Variants in ARL15 observed in about 807,000 individuals in gnomAD.
The protein encoded by ARL15 is ARF like GTPase 15, also known as ADP-ribosylation factor-like protein 15.
A neutral mutation model predicts 25.2 loss-of-function variants in ARL15; 19 were observed. That is an observed-to-expected ratio of 0.75 (90% CI 0.53 to 1.10). The LOEUF (loss-of-function observed/expected upper bound fraction) is 1.10, where lower values mean the gene tolerates loss of function less well. Ranked by LOEUF, ARL15 falls within the 50% of genes least tolerant of loss-of-function variation. ARL15 has a pLI of 0.00. For missense variants in ARL15, 220 were observed against 246.0 expected (o/e 0.89, Z 0.71); for synonymous variants, 94 against 86.8 (o/e 1.08, Z -0.46).
chr5:54,205,209 G>C (rs1364852316), intron 1 of ARL15, among the ~76,000 whole-genome samples: 2 of 152,036 alleles, frequency 1.3e-5, no homozygotes, highest in African/African-American at 2.4e-5. Context: ...AGCACTTTGG[G>C]AGGATTATTG....
rs369126950 is a variant in ARL15 at position 54,251,179 on chromosome 5, G to A, written c.48+59253C>T. Among the ~76,000 whole-genome samples, 4 of 152,124 alleles carry A rather than the reference G, an allele frequency of 2.6e-5. No individual in the cohort carries two copies. In the South Asian group the frequency reaches 8.3e-4, roughly 32 times the overall value. On this transcript the variant is annotated intron_variant, in intron 1 of 4. Coordinates refer to ENST00000504924, the MANE Select transcript of ARL15 (RefSeq NM_019087.3). ...AGAAGGAAGAAGATAAGTAAACAAT[G>A]ATGTAAAGCTTTAATTACTGGCTCA...
At chr5:53,977,598 A>G (rs1747982567) in intron 4 of ARL15, among the ~76,000 whole-genome samples, 1 of 152,260 alleles carries the variant, frequency 6.6e-6, no homozygotes, top group African/African-American at 2.4e-5. Flanking sequence ...AGTCCATGCA[A>G]TTTTGCCAGA....
chr5:54,172,469 A>C (rs546095993), intron 1 of ARL15, among the ~76,000 whole-genome samples: 1 of 152,312 alleles, frequency 6.6e-6, no homozygotes, highest in African/African-American at 2.4e-5. Context: ...GTGAACACTG[A>C]ATATAGACTG....
intron 1 of ARL15, among the ~76,000 whole-genome samples, chr5:54,242,885 T>C (rs1426587790): frequency 2.6e-5 from 4 of 151,940 alleles, no homozygotes; most frequent in Non-Finnish European, 5.9e-5. Flanking sequence ...AATTGCAAAA[T>C]GCACAAAGGA....
chr5:54,129,494 GA>G (rs1208633474), intron 3 of ARL15, among the ~76,000 whole-genome samples: 1 of 151,980 alleles, frequency 6.6e-6, no homozygotes, highest in African/African-American at 2.4e-5. Flanking sequence ...ACTAAATCAA[GA>G]AATTAAAAAA....
intron 4 of ARL15, among the ~76,000 whole-genome samples, chr5:53,968,809 C>T (rs1415656815): frequency 1.3e-5 from 2 of 151,730 alleles, no homozygotes; most frequent in Non-Finnish European, 2.9e-5. Flanking sequence ...GCTCCCGGCC[C>T]GATATAGGGC....
At chr5:54,267,718 C>T (rs980498058) in intron 1 of ARL15, among the ~76,000 whole-genome samples, 1 of 151,984 alleles carries the variant, frequency 6.6e-6, no homozygotes, top group Non-Finnish European at 1.5e-5. Flanking sequence ...ATTTCTCCTT[C>T]ACTTATGAAG....
intron 1 of ARL15, among the ~76,000 whole-genome samples, chr5:54,290,374 C>A (rs193132739): frequency 1.3e-5 from 2 of 150,624 alleles, no homozygotes; most frequent in African/African-American, 4.9e-5. Context: ...ACGATCTCGG[C>A]TCGCTGCAAC....
intron 1 of ARL15, among the ~76,000 whole-genome samples, chr5:54,298,372 C>G (rs981774224): frequency 2.0e-5 from 3 of 152,122 alleles, no homozygotes; most frequent in Admixed American, 6.5e-5. Context: ...AACTACCAAC[C>G]CTCTGTGTCT....
chr5:54,142,392 C>T (rs1753802186), intron 3 of ARL15, among the ~76,000 whole-genome samples: 1 of 152,110 alleles, frequency 6.6e-6, no homozygotes, highest in Admixed American at 6.5e-5. Flanking sequence ...AAAGGATGCT[C>T]ACAGCCTGGG....
chr5:54,088,741 A>G (rs1162282283), intron 4 of ARL15, among the ~76,000 whole-genome samples: 2 of 152,194 alleles, frequency 1.3e-5, no homozygotes, highest in African/African-American at 2.4e-5. Context: ...TCATACTGTA[A>G]GTGTTCTATG....
chr5:54,082,107 A>AGGAGGGAGAGAG (rs1751817965), intron 4 of ARL15, among the ~76,000 whole-genome samples: 1 of 135,578 alleles, frequency 7.4e-6, no homozygotes, highest in Non-Finnish European at 1.5e-5. Flanking sequence ...AAAGAAGGAA[A>AGGAGGGAGAGAG]GGAGGGAGGG....
intron 4 of ARL15, among the ~76,000 whole-genome samples, chr5:53,973,399 C>A (rs1299849569): frequency 6.6e-6 from 1 of 151,844 alleles, no homozygotes; most frequent in African/African-American, 2.4e-5. Context: ...CATGGTAAAA[C>A]CCCATCTCTA....
chr5:53,983,936 G>C (rs146494521), intron 4 of ARL15, among the ~76,000 whole-genome samples: 1 of 152,194 alleles, frequency 6.6e-6, no homozygotes, highest in South Asian at 2.1e-4. Context: ...TCCCGCAGTC[G>C]TCTCCCCAAG....
intron 1 of ARL15, among the ~76,000 whole-genome samples, chr5:54,230,234 C>A (rs549526569): frequency 2.0e-5 from 3 of 151,436 alleles, no homozygotes; most frequent in Admixed American, 6.6e-5. Flanking sequence ...GTAGTCCCAG[C>A]TACTTGGGAG....
In ARL15 at chr5:53,939,133, T is replaced by C. The variant is rs183229080; in HGVS notation, c.463-52420A>G. ...CATATTTCAAGCATCATTAATTGAT[T>C]AGATTTACAAAGAGCTCTGAATGAG... On this transcript the variant is annotated intron_variant, in intron 4 of 4. Transcript: ENST00000504924. Among the ~76,000 whole-genome samples, 751 of 152,304 alleles carry C rather than the reference T, an allele frequency of 4.9e-3. 7 individuals carry two copies. Among genetic ancestry groups the C allele is most frequent in the African/African-American group, 0.017 (722 of 41,562 alleles).
chr5:54,001,162 C>T (rs1411521637), intron 4 of ARL15, among the ~76,000 whole-genome samples: 3 of 152,210 alleles, frequency 2.0e-5, no homozygotes, highest in African/African-American at 4.8e-5. Flanking sequence ...GCCTGCAACC[C>T]TCTCCCCCAG....
At chr5:53,978,945 A>T (rs1748033446) in intron 4 of ARL15, among the ~76,000 whole-genome samples, 2 of 152,232 alleles carry the variant, frequency 1.3e-5, no homozygotes, top group African/African-American at 4.8e-5. Flanking sequence ...ATTATCATAC[A>T]GTAAGTGGTT....
intron 2 of ARL15, among the ~76,000 whole-genome samples, chr5:54,168,095 G>GTTTCCT (rs1279116777): frequency 2.6e-5 from 4 of 152,206 alleles, no homozygotes; most frequent in Non-Finnish European, 5.9e-5. Flanking sequence ...AGGGTTGTTT[G>GTTTCCT]TATATTTTGT....
Sources: gnomAD v4.1 joint callset for allele counts (sites outside exome capture counted in the v4.1 genomes callset) on GRCh38, gnomAD v4.1.1 for gene constraint, MANE v1.5 for transcripts, NCBI Gene and HGNC (gene_info 2026-07-23, HGNC 2026-07-21) for gene names.